Variants in RAPGEF6 observed in about 807,000 individuals in gnomAD.
The protein encoded by RAPGEF6 is PDZ domain containing guanine nucleotide exchange factor (GEF) 2.
Under a neutral mutation model 171.4 loss-of-function variants are expected in RAPGEF6, and 56 were observed. The ratio of observed to expected loss-of-function variants is 0.33; its 90% CI spans 0.26 to 0.41. RAPGEF6 has a LOEUF of 0.41. RAPGEF6 is among the 10% of genes least tolerant of loss of function. RAPGEF6 has a pLI of 1.00. For synonymous variants in RAPGEF6, 692 were observed against 650.1 expected, an observed-to-expected ratio of 1.06 and a Z score of -0.98; for missense variants, 1,674 against 1,921.4, an observed-to-expected ratio of 0.87 and a Z score of 2.41.
At chr5:131,458,387 T>C (rs1385567422) in intron 19 of RAPGEF6, among the ~76,000 whole-genome samples, 1 of 152,224 alleles carries the variant, frequency 6.6e-6, no homozygotes, top group Non-Finnish European at 1.5e-5. Flanking sequence ...CCTTCCACTA[T>C]GATAGTAAGT....
chr5:131,584,207 A>G (rs952586431), intron 4 of RAPGEF6, among the ~76,000 whole-genome samples: 1 of 152,238 alleles, frequency 6.6e-6, no homozygotes, highest in Admixed American at 6.5e-5. Flanking sequence ...ATACTTCAAT[A>G]AAGTTTTAAA....
rs373225755 is a variant in RAPGEF6, at chr5:131,430,843, C to G, written c.4465+16G>C. ...CTTAATCTCTAAATGCCACAGACAA[C>G]AAAAACACAACTTACCAATCAAGCC... On this transcript the variant is annotated intron_variant, in intron 26 of 27. Coordinates refer to ENST00000509018, the MANE Select transcript of RAPGEF6 (RefSeq NM_016340.6). 1.9e-6 allele frequency: 3 copies of G among 1,584,478 alleles called. No individual in the cohort carries two copies. The African/African-American group carries it at 4.1e-5, about 22-fold the overall frequency.
intron 24 of RAPGEF6, chr5:131,435,886 T>C (rs1434184293): frequency 4.8e-6 from 7 of 1,452,824 alleles, no homozygotes; most frequent in Non-Finnish European, 9.0e-7. Context: ...AATGGTTTAA[T>C]TTAAGCCATG....
chr5:131,452,084 G>A (rs1753124798), intron 21 of RAPGEF6, among the ~76,000 whole-genome samples: 1 of 152,206 alleles, frequency 6.6e-6, no homozygotes, highest in African/African-American at 2.4e-5. Context: ...GCCGGGCGTA[G>A]TGGCAGGCGC....
chr5:131,632,147 C>T (rs1261806654), intron 1 of RAPGEF6, among the ~76,000 whole-genome samples: 1 of 151,978 alleles, frequency 6.6e-6, no homozygotes, highest in Non-Finnish European at 1.5e-5. Flanking sequence ...TCAGTGCTCC[C>T]CCTCACTGAA....
At chr5:131,633,979 A>C (rs981285858) in intron 1 of RAPGEF6, among the ~76,000 whole-genome samples, 3 of 152,204 alleles carry the variant, frequency 2.0e-5, no homozygotes, top group Non-Finnish European at 4.4e-5. Context: ...AAACATCAGG[A>C]TCTTCAATAA....
chr5:131,569,818 A>G (rs960107698), intron 4 of RAPGEF6, among the ~76,000 whole-genome samples: 2 of 152,134 alleles, frequency 1.3e-5, no homozygotes, highest in South Asian at 2.1e-4. Context: ...AGGTGGGCAG[A>G]TCACTTGAGG....
rs200695209 is a variant in RAPGEF6 at position 131,453,059 on chromosome 5, T to C, written c.3195A>G (p.Arg1065=). 2 of 1,613,194 alleles carry C rather than the reference T, an allele frequency of 1.2e-6. No homozygotes were observed. The highest frequency in any genetic ancestry group is 2.7e-5 in the African/African-American group (2 of 75,054). ...TACATATTTCAATGTCCTACCTCTG[T>C]CGAAACATCATAGCTGGGTCCATGT... The part of the protein sequence containing the change: ...SANMDPAMMF[R]QRSLSQGSTN... The change falls in exon 21 of 28, where the codon CGA becomes CGG. Residue 1065 remains arginine (R), a synonymous_variant. Transcript: ENST00000509018.
chr5:131,502,525 T>G (rs776494604), intron 11 of RAPGEF6, among the ~76,000 whole-genome samples: 3 of 152,202 alleles, frequency 2.0e-5, no homozygotes, highest in Non-Finnish European at 4.4e-5. Context: ...CTGAGTTTTG[T>G]GAACTCCTGC....
chr5:131,532,062 T>C (rs1241023322), intron 6 of RAPGEF6: 1 of 415,570 alleles, frequency 2.4e-6, no homozygotes, highest in Non-Finnish European at 4.7e-6. Context: ...ATTTAATAAC[T>C]GGATTAAATC....
chr5:131,464,482 A>C, intron 17 of RAPGEF6: 1 of 510,858 alleles, frequency 2.0e-6, no homozygotes, highest in Non-Finnish European at 3.4e-6. Flanking sequence ...TGATAGAAAA[A>C]CCCAAAAACA....
At chr5:131,461,062 A>C (rs1362862973) in intron 19 of RAPGEF6, among the ~76,000 whole-genome samples, 1 of 152,222 alleles carries the variant, frequency 6.6e-6, no homozygotes, top group Non-Finnish European at 1.5e-5. Flanking sequence ...CAGAAAATAA[A>C]TTACCTACAA....
chr5:131,584,957 T>C (rs1283321879), intron 4 of RAPGEF6, among the ~76,000 whole-genome samples: 2 of 152,152 alleles, frequency 1.3e-5, no homozygotes, highest in Non-Finnish European at 2.9e-5. Flanking sequence ...GTTACAGTAA[T>C]AACAGGAGTT....
chr5:131,449,802 C>A (rs563559386), intron 21 of RAPGEF6, among the ~76,000 whole-genome samples: 51 of 152,160 alleles, frequency 3.4e-4, no homozygotes, highest in Non-Finnish European at 5.9e-4. Context: ...AAATCAAAAT[C>A]TAAAAAGGAC....
At chr5:131,536,067 T>A (rs931129827) in intron 6 of RAPGEF6, among the ~76,000 whole-genome samples, 3 of 152,128 alleles carry the variant, frequency 2.0e-5, no homozygotes, top group African/African-American at 7.2e-5. Flanking sequence ...TTTAGAGAAG[T>A]CAAACGCCAA....
chr5:131,586,750 G>T (rs1303897452), intron 4 of RAPGEF6, among the ~76,000 whole-genome samples: 1 of 152,126 alleles, frequency 6.6e-6, no homozygotes, highest in Non-Finnish European at 1.5e-5. Flanking sequence ...AAAGTAAAAA[G>T]ACTTGTATTA....
chr5:131,429,153 C>A lies in RAPGEF6; in HGVS notation c.4529G>T (p.Gly1510Val). 1 of 1,613,876 alleles carries A rather than the reference C, an allele frequency of 6.2e-7. No individual in the cohort carries two copies. Among genetic ancestry groups the A allele is most frequent in the Non-Finnish European group, 8.5e-7 (1 of 1,179,850 alleles). Residue 1510 changes from glycine (G) to valine (V), a missense_variant, in exon 27 of 28, where the codon GGA becomes GTA. By Grantham distance (109) the Gly-to-Val change is moderately radical. This residue lies in a region of RAPGEF6 where 552 missense variants were observed against 574.2 expected (regional missense o/e 0.96). Coordinates refer to ENST00000509018, the MANE Select transcript of RAPGEF6 (RefSeq NM_016340.6). Reference protein sequence around the residue: ...RYREPPPTPPGYLGISLADLK... With the variant: ...RYREPPPTPPVYLGISLADLK... ...GTCCGCTAAAGAAATCCCCAAATAT[C>A]CTGGAGGAGTGGGAGGTGGCTCCCT...
intron 21 of RAPGEF6, chr5:131,449,931 G>T: frequency 7.6e-7 from 1 of 1,314,292 alleles, no homozygotes; most frequent in Non-Finnish European, 1.1e-6. Flanking sequence ...TAGAATTCAT[G>T]CTATTTTATG....
At chr5:131,466,229 A>G (rs1754330987) in intron 17 of RAPGEF6, among the ~76,000 whole-genome samples, 2 of 152,070 alleles carry the variant, frequency 1.3e-5, no homozygotes, top group Admixed American at 1.3e-4. Context: ...TTGAAAGTAG[A>G]ATACTTCATC....
Sources: allele counts gnomAD v4.1 joint callset (sites outside exome capture counted in the v4.1 genomes callset), GRCh38; gene constraint gnomAD v4.1.1; regional missense constraint gnomAD v4.1.1; transcripts MANE v1.5; gene names NCBI Gene and HGNC (gene_info 2026-07-23, HGNC 2026-07-21).